The following AIM2 variants were observed in gnomAD, a reference collection of about 807,000 sequenced individuals.
The protein encoded by AIM2 is absent in melanoma 2, also known as interferon-inducible protein AIM2.
AIM2 carries 30 observed loss-of-function variants against 27.7 expected under a neutral mutation model. That is an observed-to-expected ratio of 1.08 (90% CI 0.81 to 1.47). The LOEUF is 1.47. Among genes scored for constraint, AIM2 ranks in the 40% most tolerant of loss-of-function variants. AIM2 has a pLI of 0.00. For synonymous variants in AIM2, 141 were observed against 145.3 expected (o/e 0.97, Z 0.21); for missense variants, 358 against 411.3 (o/e 0.87, Z 1.12).
At chr1:159,135,399 G>T (rs575383049) in intron 1 of AIM2, among the ~76,000 whole-genome samples, 7 of 152,142 alleles carry the variant, frequency 4.6e-5, no homozygotes, top group African/African-American at 7.2e-5. Context: ...TTTGGAGCCA[G>T]ATTATTATTT....
intron 1 of AIM2, among the ~76,000 whole-genome samples, chr1:159,118,559 G>T (rs969202240): frequency 6.6e-6 from 1 of 152,122 alleles, no homozygotes; most frequent in African/African-American, 2.4e-5. Context: ...ATTTTAAAGG[G>T]TACTTCACCC....
intron 1 of AIM2, among the ~76,000 whole-genome samples, chr1:159,110,665 G>T (rs896818749): frequency 6.6e-6 from 1 of 152,156 alleles, no homozygotes; most frequent in African/African-American, 2.4e-5. Context: ...AATAAACTGT[G>T]CTACCCAAAA....
At chr1:159,098,037 G>A (rs1468180606) in intron 1 of AIM2, among the ~76,000 whole-genome samples, 1 of 152,160 alleles carries the variant, frequency 6.6e-6, no homozygotes, top group Admixed American at 6.5e-5. Flanking sequence ...TTTCTACAGT[G>A]AATTCAGATA....
intron 1 of AIM2, among the ~76,000 whole-genome samples, chr1:159,102,942 G>A (rs1267052649): frequency 2.0e-5 from 3 of 152,188 alleles, no homozygotes; most frequent in East Asian, 3.8e-4. Context: ...ACTGTTGGAA[G>A]GGCATGATTG....
chr1:159,095,152 G>A (rs1160359444), intron 1 of AIM2, among the ~76,000 whole-genome samples: 7 of 152,206 alleles, frequency 4.6e-5, no homozygotes, highest in East Asian at 1.9e-4. Context: ...ATTGCTATCC[G>A]TAAATTAATA....
intron 1 of AIM2, among the ~76,000 whole-genome samples, chr1:159,085,085 C>G (rs1656874885): frequency 6.6e-6 from 1 of 152,132 alleles, no homozygotes; most frequent in African/African-American, 2.4e-5. Flanking sequence ...TTCGCAATTG[C>G]TGCTATTGCC....
chr1:159,115,635 A>G (rs1173327766), intron 1 of AIM2, among the ~76,000 whole-genome samples: 4 of 152,248 alleles, frequency 2.6e-5, no homozygotes, highest in Non-Finnish European at 4.4e-5. Flanking sequence ...AGCCATATGT[A>G]GAAAGCTGAA....
chr1:159,088,467 G>A (rs1656971647), intron 1 of AIM2, among the ~76,000 whole-genome samples: 1 of 152,062 alleles, frequency 6.6e-6, no homozygotes, highest in Non-Finnish European at 1.5e-5. Context: ...CCTCCATGGA[G>A]GCAAATGATG....
Position 159,126,418 on chromosome 1 carries a change from G to C in AIM2, c.-16+14013C>G, listed in dbSNP as rs185585042. On this transcript the variant is annotated intron_variant, in intron 1 of 2. Transcript: ENST00000368129. The stretch of plus-strand genomic sequence containing the variant: ...ATCCCAGCACTTTGGGAGGCTGAGG[G>C]GGGCGGATCACGAGGTCAGGAGATC... Among the ~76,000 whole-genome samples, 1,286 of 152,102 alleles carry C rather than the reference G, an allele frequency of 8.5e-3. 17 individuals are homozygous for C. The highest frequency in any genetic ancestry group is 0.029 in the African/African-American group (1,194 of 41,506).
At chr1:159,090,356 C>T (rs1657017378) in intron 1 of AIM2, among the ~76,000 whole-genome samples, 1 of 152,146 alleles carries the variant, frequency 6.6e-6, no homozygotes, top group East Asian at 1.9e-4. Flanking sequence ...GATACATACA[C>T]CAGAAAAAGA....
intron 1 of AIM2, among the ~76,000 whole-genome samples, chr1:159,108,634 T>C (rs187103670): frequency 6.6e-6 from 1 of 152,252 alleles, no homozygotes; most frequent in African/African-American, 2.4e-5. Context: ...ATAATTTAAC[T>C]AGAAAACCCT....
intron 1 of AIM2, among the ~76,000 whole-genome samples, chr1:159,087,865 C>T (rs1428851644): frequency 6.6e-6 from 1 of 152,082 alleles, no homozygotes; most frequent in African/African-American, 2.4e-5. Flanking sequence ...GCCACCGTGC[C>T]CAGCCAAGTC....
intron 1 of AIM2, among the ~76,000 whole-genome samples, chr1:159,113,311 C>T (rs1647230710): frequency 6.6e-6 from 1 of 152,160 alleles, no homozygotes; most frequent in Non-Finnish European, 1.5e-5. Context: ...AACTCTTCCC[C>T]AGGCCCTACA....
rs746633254 is a variant in AIM2 at position 159,062,695 on chromosome 1, TG to T, written c.1028del (p.Thr343AsnfsTer14). 7 of 1,613,220 alleles carry T rather than the reference TG, an allele frequency of 4.3e-6. No homozygotes were observed. In the South Asian group the frequency reaches 6.6e-5, roughly 15 times the overall value. ...TIKVIKAKKK[T>X] ...TGAATTGGTCCTTTTTACTTCTCTA[TG>T]TTTTTTTTTTGGCCTTAATAACCTG... is the stretch of plus-strand genomic sequence containing the variant. On this transcript the variant is annotated frameshift_variant, in exon 6 of 6. Transcript: ENST00000368130. LOFTEE classifies it high-confidence loss of function.
rs749669034 is a variant in AIM2 at position 159,063,583 on chromosome 1, T to C, written c.908A>G (p.Lys303Arg). The C allele has an allele frequency of 6.2e-7, 1 of 1,614,198 alleles. No homozygotes were observed. The highest frequency in any genetic ancestry group is 8.5e-7 in the Non-Finnish European group (1 of 1,180,018). ...TCGAACCTTATCTCCTTCCTTACAT[T>C]TCATTGTGTCCTCGTTTCTAACCCC... ...VLGVRNEDTM[K>R]CKEGDKVRLT... The change falls in exon 5 of 6, where the codon AAA (lysine) becomes AGA (arginine). Residue 303 changes from lysine to arginine, a missense_variant. Transcript: ENST00000368130.
At chr1:159,090,204 G>T (rs563685584) in intron 1 of AIM2, among the ~76,000 whole-genome samples, 23 of 152,278 alleles carry the variant, frequency 1.5e-4, no homozygotes, top group African/African-American at 5.5e-4. Flanking sequence ...GTGTTCCCAA[G>T]AGCACCCTCT....
Position 159,066,162 on chromosome 1 carries a change from G to A in AIM2, c.564C>T (p.Phe188=). ...HATVATEKEF[F]FVKVFNTLLK... ...GCAGTGTATTAAAAACTTTTACAAA[G>A]AAGAATTCCTTTTCTGTAGCCACTG... The change falls in exon 4 of 6, where the codon TTC becomes TTT. Residue 188 remains phenylalanine (F), a synonymous_variant. Transcript: ENST00000368130. 1 of 1,614,180 alleles carries A rather than the reference G, an allele frequency of 6.2e-7. No individual in the cohort carries two copies. The highest frequency in any genetic ancestry group is 8.5e-7 in the Non-Finnish European group (1 of 1,180,032).
intron 1 of AIM2, among the ~76,000 whole-genome samples, chr1:159,115,935 T>C (rs1647335300): frequency 6.6e-6 from 1 of 152,178 alleles, no homozygotes; most frequent in African/African-American, 2.4e-5. Context: ...TCTACTCATC[T>C]GACAAAGGGC....
chr1:159,079,102 AAAC>A (rs1227673794), upstream of AIM2, among the ~76,000 whole-genome samples: 3 of 152,146 alleles, frequency 2.0e-5, no homozygotes, highest in Non-Finnish European at 4.4e-5. Context: ...AAAAAACAGA[AAAC>A]AAATCAGAAG....
Sources: allele counts gnomAD v4.1 joint callset (sites outside exome capture counted in the v4.1 genomes callset), GRCh38; gene constraint gnomAD v4.1.1; transcripts MANE v1.5; gene names NCBI Gene and HGNC (gene_info 2026-07-23, HGNC 2026-07-21).